Variants in PAGE2B observed in about 807,000 individuals in gnomAD.
PAGE2B encodes PAGE family member 2B, also known as putative G antigen family E member 3.
Under a neutral mutation model 7.6 loss-of-function variants are expected in PAGE2B, and 5 were observed. The observed-to-expected ratio is 0.66, with a 90% confidence interval of 0.34 to 1.38. The LOEUF is 1.38. Ranked by LOEUF, PAGE2B falls within the 40% of genes most tolerant of loss-of-function variation. The pLI, the probability that PAGE2B is intolerant of heterozygous loss-of-function variation, is 0.04. For synonymous variants in PAGE2B, 29 were observed against 26.7 expected (o/e 1.09, Z -0.27); for missense variants, 70 against 78.4 (o/e 0.89, Z 0.41).
chrX:55,040,944 T>C, the PAGE2B span, among the ~76,000 whole-genome samples: 1 of 111,617 alleles, frequency 9.0e-6, no homozygotes, highest in South Asian at 3.7e-4. Context: ...TAGCTGTATC[T>C]ATTTAACTAC....
the PAGE2B span, among the ~76,000 whole-genome samples, chrX:55,052,209 G>A: frequency 2.7e-5 from 3 of 112,211 alleles, no homozygotes; most frequent in Non-Finnish European, 5.6e-5. Context: ...TGAGGTGTCA[G>A]TCTGCCCCTA....
chrX:55,041,854 A>T, the PAGE2B span, among the ~76,000 whole-genome samples: 1 of 111,832 alleles, frequency 8.9e-6, no homozygotes, highest in Non-Finnish European at 1.9e-5. Context: ...GAGCAGGTGC[A>T]GCTGAAGGAG....
chrX:55,069,180 A>G, the PAGE2B span, among the ~76,000 whole-genome samples: 1 of 111,925 alleles, frequency 8.9e-6, no homozygotes, highest in Admixed American at 9.5e-5. Context: ...TAGGTTTGCC[A>G]TGAACACCTG....
At chrX:55,035,630 C>G in the PAGE2B span, among the ~76,000 whole-genome samples, 1 of 111,940 alleles carries the variant, frequency 8.9e-6, no homozygotes, top group Non-Finnish European at 1.9e-5. Flanking sequence ...CAAGAATGAA[C>G]AGTGATTAAG....
chrX:55,076,030 T>G lies in PAGE2B; in HGVS notation c.-8-4T>G. On this transcript the variant is annotated splice_polypyrimidine_tract_variant and splice_region_variant and intron_variant, in intron 1 of 4. Transcript: ENST00000374971. ...TTTTCCAAATAACAGTATTCTATTT[T>G]CAGTGGGAAATATGAGTGAGCATGT... 8.3e-7 allele frequency: 1 copy of G among 1,201,532 alleles called. No homozygotes were observed. Among genetic ancestry groups the G allele is most frequent in the Non-Finnish European group, 1.1e-6 (1 of 887,874 alleles).
At chrX:55,065,821 G>T in the PAGE2B span, among the ~76,000 whole-genome samples, 4 of 112,098 alleles carry the variant, frequency 3.6e-5, no homozygotes, top group African/African-American at 1.3e-4. Context: ...CAACAAACAT[G>T]TACAAGGAAA....
chrX:55,034,811 C>G, the PAGE2B span, among the ~76,000 whole-genome samples: 1 of 107,154 alleles, frequency 9.3e-6, no homozygotes, highest in Non-Finnish European at 1.9e-5. Context: ...TATATATATA[C>G]ATGTATATAT....
chrX:55,066,782 G>T, the PAGE2B span, among the ~76,000 whole-genome samples: 3 of 111,289 alleles, frequency 2.7e-5, no homozygotes, highest in African/African-American at 9.8e-5. Context: ...GGTTAAATCT[G>T]CTTGGTGTTC....
upstream of PAGE2B, among the ~76,000 whole-genome samples, chrX:55,074,784 T>C (rs1309142048): frequency 8.9e-6 from 1 of 112,669 alleles, no homozygotes; most frequent in Non-Finnish European, 1.9e-5. Flanking sequence ...GGGGCTCATA[T>C]TCTCCAAAGC....
the PAGE2B span, among the ~76,000 whole-genome samples, chrX:55,053,144 GATAAAGAAAATATCATACAT>G: frequency 8.9e-6 from 1 of 111,880 alleles, no homozygotes; most frequent in Non-Finnish European, 1.9e-5. Context: ...TGATAGACTG[GATAAAGAAAATATCATACAT>G]ATACACCATG....
the PAGE2B span, among the ~76,000 whole-genome samples, chrX:55,069,943 A>G: frequency 1.8e-5 from 2 of 110,600 alleles, no homozygotes; most frequent in African/African-American, 6.6e-5. Flanking sequence ...TTTCTTCTTT[A>G]TCAGTCTGGC....
chrX:55,031,162 A>G, the PAGE2B span: 1 of 246,047 alleles, frequency 4.1e-6, no homozygotes, highest in Non-Finnish European at 7.7e-6. Context: ...GCTCTTCCCT[A>G]TTTTCTTCTC....
At chrX:55,032,617 C>G in the PAGE2B span, among the ~76,000 whole-genome samples, 1 of 111,396 alleles carries the variant, frequency 9.0e-6, no homozygotes, top group African/African-American at 3.3e-5. Context: ...AGTCATAGAA[C>G]CTACCCTATT....
chrX:55,040,080 C>T, the PAGE2B span, among the ~76,000 whole-genome samples: 5 of 106,643 alleles, frequency 4.7e-5, no homozygotes, highest in East Asian at 2.9e-4. Flanking sequence ...AAACCAGAGG[C>T]GGATTTTAAT....
the PAGE2B span, among the ~76,000 whole-genome samples, chrX:55,050,001 T>C: frequency 2.9e-4 from 32 of 112,280 alleles, no homozygotes; most frequent in Non-Finnish European, 5.3e-4. Flanking sequence ...GATTCTGCTA[T>C]GTTGTGTCTT....
At chrX:55,040,772 CA>C in the PAGE2B span, among the ~76,000 whole-genome samples, 2 of 111,282 alleles carry the variant, frequency 1.8e-5, no homozygotes, top group Non-Finnish European at 3.8e-5. Context: ...CTTAACCACT[CA>C]ACTAACTATA....
At chrX:55,031,945 CT>C in the PAGE2B span, among the ~76,000 whole-genome samples, 1 of 110,902 alleles carries the variant, frequency 9.0e-6, no homozygotes, top group African/African-American at 3.3e-5. Context: ...TTTGCAATTT[CT>C]TTTTTTTGTT....
the PAGE2B span, among the ~76,000 whole-genome samples, chrX:55,042,873 G>T: frequency 9.2e-6 from 1 of 108,898 alleles, no homozygotes; most frequent in Non-Finnish European, 1.9e-5. Context: ...GAACAAAAAG[G>T]AGTCCACATA....
At chrX:55,052,970 A>G in the PAGE2B span, among the ~76,000 whole-genome samples, 1 of 112,669 alleles carries the variant, frequency 8.9e-6, no homozygotes, top group Non-Finnish European at 1.9e-5. Flanking sequence ...TTTTTTGCTT[A>G]TTGATTATTA....
Sources: allele counts gnomAD v4.1 joint callset (sites outside exome capture counted in the v4.1 genomes callset), GRCh38; gene constraint gnomAD v4.1.1; transcripts MANE v1.5; gene names NCBI Gene and HGNC (gene_info 2026-07-23, HGNC 2026-07-21).